The following IGBP1C variants were observed in gnomAD, a reference collection of about 807,000 sequenced individuals.
IGBP1C encodes IGBP1 family member C.
chr17:58,676,113 C>T, the IGBP1C span, among the ~76,000 whole-genome samples: 8 of 152,110 alleles, frequency 5.3e-5, no homozygotes, highest in Admixed American at 2.0e-4. Context: ...CAGTTGCTCA[C>T]GCCTGTGATC....
At chr17:58,662,072 A>G in the IGBP1C span, among the ~76,000 whole-genome samples, 71 of 151,934 alleles carry the variant, frequency 4.7e-4, no homozygotes, top group African/African-American at 1.7e-3. Flanking sequence ...GTGTTCCTGT[A>G]TGTCTATATC....
the IGBP1C span, chr17:58,677,661 C>T: frequency 2.6e-5 from 4 of 152,222 alleles, no homozygotes; most frequent in South Asian, 8.3e-4. Context: ...GGCCAGCAAA[C>T]ACAGAATGCA....
chr17:58,676,873 G>A, the IGBP1C span, among the ~76,000 whole-genome samples: 2 of 152,092 alleles, frequency 1.3e-5, no homozygotes, highest in Non-Finnish European at 2.9e-5. Context: ...GCTCACGCCT[G>A]TAATCCCAGT....
chr17:58,672,498 A>G, the IGBP1C span, among the ~76,000 whole-genome samples: 6 of 152,186 alleles, frequency 3.9e-5, no homozygotes, highest in Non-Finnish European at 7.3e-5. Context: ...CAGAGGTGCA[A>G]TCTCAGCTTG....
chr17:58,671,678 G>C, the IGBP1C span, among the ~76,000 whole-genome samples: 3 of 151,988 alleles, frequency 2.0e-5, no homozygotes, highest in African/African-American at 7.2e-5. Context: ...TTCTGGATTT[G>C]TTTCTTTCTC....
the IGBP1C span, chr17:58,660,524 T>A: frequency 1.4e-6 from 1 of 730,720 alleles, no homozygotes; most frequent in South Asian, 1.6e-5. Flanking sequence ...GCTGCATGGT[T>A]TTCCTTGGCG....
chr17:58,682,663 C>G, the IGBP1C span, among the ~76,000 whole-genome samples: 1 of 152,188 alleles, frequency 6.6e-6, no homozygotes, highest in African/African-American at 2.4e-5. Context: ...CGTGAGCCAC[C>G]ATGCCCGGCT....
chr17:58,669,938 T>C, the IGBP1C span, among the ~76,000 whole-genome samples: 2 of 152,280 alleles, frequency 1.3e-5, no homozygotes, highest in East Asian at 1.9e-4. Context: ...CCCACGCTCC[T>C]TGAGGCTCTG....
At chr17:58,692,000 T>G in the IGBP1C span, 2 of 153,650 alleles carry the variant, frequency 1.3e-5, no homozygotes, top group Non-Finnish European at 2.9e-5. Flanking sequence ...GTAACCTCCA[T>G]GCTCGGGATA....
the IGBP1C span, among the ~76,000 whole-genome samples, chr17:58,675,018 T>G: frequency 6.6e-6 from 1 of 151,296 alleles, no homozygotes; most frequent in East Asian, 2.0e-4. Flanking sequence ...TGGTAGCACA[T>G]GCCTATAACC....
At chr17:58,666,391 GAGCGCATGA>G in the IGBP1C span, 1 of 141,844 alleles carries the variant, frequency 7.1e-6, no homozygotes, top group African/African-American at 2.6e-5. Flanking sequence ...AAAGAAGGCT[GAGCGCATGA>G]ATTCGGATGC....
At chr17:58,666,643 C>A in the IGBP1C span, 1 of 152,144 alleles carries the variant, frequency 6.6e-6, no homozygotes, top group Non-Finnish European at 1.5e-5. Context: ...GAATAAGCCA[C>A]ACACAGGGAA....
the IGBP1C span, among the ~76,000 whole-genome samples, chr17:58,690,008 C>A: frequency 1.3e-5 from 2 of 151,832 alleles, no homozygotes; most frequent in African/African-American, 4.8e-5. Context: ...CACCACCGCA[C>A]CCAGCTAATT....
the IGBP1C span, among the ~76,000 whole-genome samples, chr17:58,690,660 C>T: frequency 6.6e-6 from 1 of 152,106 alleles, no homozygotes; most frequent in Non-Finnish European, 1.5e-5. Context: ...ATCCACTGAG[C>T]GCTCAAATAT....
At chr17:58,663,221 A>G in the IGBP1C span, among the ~76,000 whole-genome samples, 1 of 151,986 alleles carries the variant, frequency 6.6e-6, no homozygotes, top group Non-Finnish European at 1.5e-5. Flanking sequence ...TCGGGAGTTC[A>G]AGACCATCCT....
At chr17:58,682,542 G>A in the IGBP1C span, among the ~76,000 whole-genome samples, 17 of 152,124 alleles carry the variant, frequency 1.1e-4, no homozygotes, top group Non-Finnish European at 2.2e-4. Flanking sequence ...ACAGGTGTGA[G>A]CCACCACGAC....
chr17:58,685,654 C>A, the IGBP1C span, among the ~76,000 whole-genome samples: 3 of 151,626 alleles, frequency 2.0e-5, no homozygotes, highest in Non-Finnish European at 4.4e-5. Context: ...CCAAAACATG[C>A]AAGCTTTTTT....
At chr17:58,660,819 A>G in the IGBP1C span, 45 of 782,608 alleles carry the variant, frequency 5.8e-5, no homozygotes, top group African/African-American at 6.7e-4. Flanking sequence ...AGACTTGGAT[A>G]GCCAGCGCCA....
chr17:58,678,628 A>C, the IGBP1C span, among the ~76,000 whole-genome samples: 1 of 151,982 alleles, frequency 6.6e-6, no homozygotes, highest in Non-Finnish European at 1.5e-5. Flanking sequence ...GAACAATGAG[A>C]ACACTTGAAC....
Sources: gnomAD v4.1 joint callset for allele counts (sites outside exome capture counted in the v4.1 genomes callset) on GRCh38, gnomAD v4.1.1 for gene constraint, MANE v1.5 for transcripts, NCBI Gene and HGNC (gene_info 2026-07-23, HGNC 2026-07-21) for gene names.